EPB41L1: variants seen among roughly 807,000 people sequenced by gnomAD.
EPB41L1 encodes erythrocyte membrane protein band 4.1 like 1, also known as band 4.1-like protein 1.
Under a neutral mutation model 97.8 loss-of-function variants are expected in EPB41L1, and 29 were observed. The ratio of observed to expected loss-of-function variants is 0.30; its 90% CI spans 0.22 to 0.40. The LOEUF is 0.40. Among genes scored for constraint, EPB41L1 ranks in the 10% least tolerant of loss-of-function variants. The pLI is 1.00. For synonymous variants in EPB41L1, 383 were observed against 459.2 expected, an observed-to-expected ratio of 0.83 and a Z score of 2.12; for missense variants, 812 against 1,162.3, an observed-to-expected ratio of 0.70 and a Z score of 4.38.
At chr20:36,208,280 T>G in intron 14 of EPB41L1, 1 of 428,196 alleles carries the variant, frequency 2.3e-6, no homozygotes, top group Non-Finnish European at 4.7e-6. Context: ...TCCTTAAGAC[T>G]AACTGTCTTC....
intron 1 of EPB41L1, among the ~76,000 whole-genome samples, chr20:36,170,861 C>G (rs759919634): frequency 6.6e-6 from 1 of 152,210 alleles, no homozygotes; most frequent in South Asian, 2.1e-4. Flanking sequence ...TCCAGCTCCT[C>G]TCCTCTGTCG....
In EPB41L1 at chr20:36,190,639, C is replaced by T. The variant is rs767942737; in HGVS notation, c.1142C>T (p.Pro381Leu). The T allele has an allele frequency of 5.6e-6, 9 of 1,612,174 alleles. No individual in the cohort carries two copies. The highest frequency in any genetic ancestry group is 6.8e-6 in the Non-Finnish European group (8 of 1,179,212). ...TGCTGCAGGCTGGTGTCCCCTGAGC[C>T]CCCACCCAAGGGCTTCCTGGTGATG... ...HTFFRLVSPE[P>L]PPKGFLVMGS... is the part of the protein sequence containing the mutation. Residue 381 changes from proline (P) to leucine (L), a missense_variant, in exon 11 of 22, where the codon CCC (proline) becomes CTC (leucine). Physicochemically the swap from Pro to Leu is moderately conservative, Grantham distance 98 (BLOSUM62 -3). Around this residue, in one of 3 missense-constraint regions of EPB41L1, gnomAD observed 230 missense variants for 445.2 expected, o/e 0.52. Transcript: ENST00000338074. The surrounding 1 kb of genome is among the most constrained non-coding windows in gnomAD (Gnocchi z 5.8).
At chr20:36,165,993 A>G (rs1029341251) in intron 1 of EPB41L1, among the ~76,000 whole-genome samples, 3 of 152,226 alleles carry the variant, frequency 2.0e-5, no homozygotes, top group Non-Finnish European at 4.4e-5. Flanking sequence ...GTGCATCCTC[A>G]TTAGTAAAAT....
At chr20:36,122,624 C>T (rs1464694069) in intron 2 of EPB41L1, 1 of 152,374 alleles carries the variant, frequency 6.6e-6, no homozygotes, top group Admixed American at 6.5e-5. Flanking sequence ...CTGTCCTTAC[C>T]CCCATACCCC....
At chr20:36,135,799 C>T (rs2059395274) in intron 2 of EPB41L1, among the ~76,000 whole-genome samples, 1 of 152,132 alleles carries the variant, frequency 6.6e-6, no homozygotes, top group Non-Finnish European at 1.5e-5. Flanking sequence ...TTACTGTTTC[C>T]TTGAGGATTC....
In EPB41L1 at chr20:36,190,653, T is replaced by C; in HGVS notation, c.1156T>C (p.Phe386Leu). 1.9e-6 allele frequency: 3 copies of C among 1,613,632 alleles called. No individual in the cohort carries two copies. The highest frequency in any genetic ancestry group is 1.1e-5 in the South Asian group (1 of 91,036). ...LVSPEPPPKG[F>L]LVMGSKFRYS... Reference sequence around the variant, plus strand: ...GTCCCCTGAGCCCCCACCCAAGGGCTTCCTGGTGATGGGCTCCAAGTTCCG... The same window carrying C: ...GTCCCCTGAGCCCCCACCCAAGGGCCTCCTGGTGATGGGCTCCAAGTTCCG... The change falls in exon 11 of 22, where the codon TTC becomes CTC. Residue 386 changes from phenylalanine to leucine, a missense_variant. Physicochemically the swap from Phe to Leu is conservative, Grantham distance 22. Around this residue, in one of 3 missense-constraint regions of EPB41L1, gnomAD observed 230 missense variants for 445.2 expected, o/e 0.52. Coordinates refer to ENST00000338074, the MANE Select transcript of EPB41L1 (RefSeq NM_012156.2). This position sits in a 1 kb window ranked among gnomAD's most constrained non-coding sequence, Gnocchi z 5.8.
At chr20:36,113,322 G>A (rs975444210) in intron 2 of EPB41L1, among the ~76,000 whole-genome samples, 1 of 152,086 alleles carries the variant, frequency 6.6e-6, no homozygotes, top group Non-Finnish European at 1.5e-5. Context: ...AATTGCCAGG[G>A]CTGTGATGTT....
In EPB41L1 at chr20:36,206,371, G is replaced by A. The variant is rs563329529; in HGVS notation, c.1669-3117G>A. ...GGTGGACGTCCTCTCTCCAGCCTCC[G>A]ACAAGGGAGGACTCCAGTCGTTTCT... On this transcript the variant is annotated intron_variant, in intron 14 of 21. Transcript: ENST00000338074. This position sits in a 1 kb window ranked among gnomAD's most constrained non-coding sequence, Gnocchi z 5.5. The A allele has an allele frequency of 6.2e-6, 8 of 1,289,920 alleles. No individual in the cohort carries two copies. Among genetic ancestry groups the A allele is most frequent in the East Asian group, 5.5e-5 (1 of 18,028 alleles). 79.9% of individuals were successfully genotyped at this position (1,289,920 alleles called of 1,614,324 possible). A position where few individuals can be genotyped will look rare whatever the true frequency, so the allele number is the denominator to read the frequency against.
rs185099277 is a variant in EPB41L1, at chr20:36,212,322, G to A, written c.2130G>A (p.Lys710=). Residue 710 remains lysine (K), a synonymous_variant, in exon 16 of 22, where the codon AAG becomes AAA. Coordinates refer to ENST00000338074, the MANE Select transcript of EPB41L1 (RefSeq NM_012156.2). This position sits in a 1 kb window ranked among gnomAD's most constrained non-coding sequence, Gnocchi z 4.8. The part of the protein sequence containing the change: ...MTVSSLAIRK[K]IEPEAVLQTR... Reference sequence around the variant, plus strand: ...TCAGCAGTCTGGCCATTAGAAAGAAGATTGAGCCGGAGGCCGTACTGCAGA... The same window carrying A: ...TCAGCAGTCTGGCCATTAGAAAGAAAATTGAGCCGGAGGCCGTACTGCAGA... 83 of 1,614,218 alleles carry A rather than the reference G, an allele frequency of 5.1e-5. No individual in the cohort carries two copies. In the East Asian group the frequency reaches 1.6e-3, roughly 32 times the overall value.
intron 2 of EPB41L1, among the ~76,000 whole-genome samples, chr20:36,116,149 A>G (rs1331539472): frequency 6.6e-6 from 1 of 152,232 alleles, no homozygotes; most frequent in Non-Finnish European, 1.5e-5. Context: ...TGAGAGGGAC[A>G]GGAAAAATGC....
chr20:36,142,594 T>C (rs925158871), intron 2 of EPB41L1, among the ~76,000 whole-genome samples: 3 of 152,198 alleles, frequency 2.0e-5, no homozygotes, highest in Admixed American at 6.5e-5. Context: ...CCGGCAGCGG[T>C]AGCTTAGTGG....
rs370818122 is a variant in EPB41L1 at position 36,173,977 on chromosome 20, G to A, written c.177+23G>A. 8.1e-6 allele frequency: 13 copies of A among 1,601,068 alleles called. No individual in the cohort carries two copies. The African/African-American group carries it at 1.1e-4, about 13-fold the overall frequency. On this transcript the variant is annotated intron_variant, in intron 2 of 21. Coordinates refer to ENST00000338074, the MANE Select transcript of EPB41L1 (RefSeq NM_012156.2). Reference sequence around the variant, plus strand: ...CAGGTGTGTGCCCGAGAGCATGGGCGTACCTTTCCTGCCCAGACCGTCCTC... The same window carrying A: ...CAGGTGTGTGCCCGAGAGCATGGGCATACCTTTCCTGCCCAGACCGTCCTC...
chr20:36,215,169 G>A (rs2063368425), intron 17 of EPB41L1, among the ~76,000 whole-genome samples: 1 of 151,914 alleles, frequency 6.6e-6, no homozygotes, highest in South Asian at 2.1e-4. Flanking sequence ...GACACTGTGA[G>A]GTGGATGCTC....
chr20:36,178,107 T>G, intron 4 of EPB41L1, 51 bp downstream of exon 4: 1 of 1,366,252 alleles, frequency 7.3e-7, no homozygotes, highest in Non-Finnish European at 1.0e-6. Context: ...TAGGCTCCTG[T>G]AATCCTGGCC....
chr20:36,147,357 T>G (rs1398990972), intron 2 of EPB41L1, among the ~76,000 whole-genome samples: 1 of 152,204 alleles, frequency 6.6e-6, no homozygotes, highest in African/African-American at 2.4e-5. Context: ...CACATACTTG[T>G]GTAACTACCC....
Position 36,162,754 on chromosome 20 carries a change from G to A in EPB41L1, c.-15+7858G>A, listed in dbSNP as rs776169057. On this transcript the variant is annotated intron_variant, in intron 1 of 21. Transcript: ENST00000338074. ...TCAGCCTGAGGCTCCCTAGTGGCCC[G>A]TGAAGCTTTTGGGCAAGAAGCCAAG... 4.6e-5 allele frequency among the ~76,000 whole-genome samples: 7 copies of A among 152,256 alleles called. 1 individual carries two copies. The highest frequency in any genetic ancestry group is 4.1e-4 in the South Asian group (2 of 4,834).
Position 36,229,420 on chromosome 20 carries a change from C to T in EPB41L1, c.*80C>T, listed in dbSNP as rs2064387327. On this transcript the variant is annotated 3_prime_UTR_variant, in exon 22 of 22. Coordinates refer to ENST00000338074, the MANE Select transcript of EPB41L1 (RefSeq NM_012156.2). ...AGAAGGGGCCTTCATTCTGGATTCTCCGACGCAACACTGACGTCCCAGCTG... is the reference window on the plus strand; with the variant it reads ...AGAAGGGGCCTTCATTCTGGATTCTTCGACGCAACACTGACGTCCCAGCTG... 9.8e-6 allele frequency: 14 copies of T among 1,434,340 alleles called. No homozygotes were observed. The highest frequency in any genetic ancestry group is 1.4e-5 in the Non-Finnish European group (14 of 1,017,526). The allele number at this position is 1,434,340 out of a possible 1,614,324, so 88.9% of individuals were successfully genotyped here.
chr20:36,200,253 ATAAT>A (rs2062427684), intron 14 of EPB41L1, among the ~76,000 whole-genome samples: 1 of 152,146 alleles, frequency 6.6e-6, no homozygotes, highest in African/African-American at 2.4e-5. Context: ...GTAGAGTGAA[ATAAT>A]TAATATAAAA....
chr20:36,107,205 A>T (rs1464738203), intron 1 of EPB41L1, among the ~76,000 whole-genome samples: 1 of 148,876 alleles, frequency 6.7e-6, no homozygotes, highest in Admixed American at 6.7e-5. Context: ...AGATTTGAGA[A>T]TATACCTTTT....
Sources: allele counts gnomAD v4.1 joint callset (sites outside exome capture counted in the v4.1 genomes callset), GRCh38; gene constraint gnomAD v4.1.1; regional missense constraint gnomAD v4.1.1; non-coding constraint Gnocchi (gnomAD v3.1); transcripts MANE v1.5; gene names NCBI Gene and HGNC (gene_info 2026-07-23, HGNC 2026-07-21).